The following GPHN variants were observed in gnomAD, a reference collection of about 807,000 sequenced individuals.
GPHN encodes the protein gephyrin.
GPHN carries 17 observed loss-of-function variants against 95.5 expected under a neutral mutation model. The observed-to-expected ratio is 0.18, with a 90% CI of 0.12 to 0.27. The LOEUF (loss-of-function observed/expected upper bound fraction) is 0.27. GPHN is among the 10% of genes least tolerant of loss of function. The pLI, the probability that GPHN is intolerant of heterozygous loss-of-function variation, is 1.00. For synonymous variants in GPHN, 320 were observed against 322.5 expected, an observed-to-expected ratio of 0.99 and a Z score of 0.08; for missense variants, 660 against 978.1, an observed-to-expected ratio of 0.67 and a Z score of 4.34.
At chr14:67,735,091 G>A in the GPHN span, 1 of 741,162 alleles carries the variant, frequency 1.3e-6, no homozygotes, top group East Asian at 2.5e-5. Flanking sequence ...TCGGGAAGCT[G>A]AGCAGCAAAG....
At chr14:67,581,066 C>G in the GPHN span, 3 of 1,428,630 alleles carry the variant, frequency 2.1e-6, no homozygotes, top group Admixed American at 5.0e-5. Flanking sequence ...AGGGTGGGGC[C>G]AAACACAAGG....
rs1203659524 is a variant in GPHN, at chr14:66,508,507, G to A, written c.-21G>A. 1.9e-6 allele frequency: 3 copies of A among 1,613,048 alleles called. No homozygotes were observed. The highest frequency in any genetic ancestry group is 2.5e-6 in the Non-Finnish European group (3 of 1,179,168). Reference sequence around the variant, plus strand: ...CCGGTTTCTCCCGGCTCCTGTCAGTGCGGTGACTGCGCTGGGAAACATGGC... The same window carrying A: ...CCGGTTTCTCCCGGCTCCTGTCAGTACGGTGACTGCGCTGGGAAACATGGC... On this transcript the variant is annotated 5_prime_UTR_variant, in exon 1 of 23. Transcript: ENST00000478722.
intron 2 of GPHN, among the ~76,000 whole-genome samples, chr14:66,739,350 A>G (rs937915436): frequency 9.3e-5 from 14 of 150,314 alleles, no homozygotes; most frequent in African/African-American, 3.4e-4. Flanking sequence ...CCGAGTAGCT[A>G]GGACAACAGG....
intron 9 of GPHN, among the ~76,000 whole-genome samples, chr14:66,994,764 A>G (rs1037869380): frequency 6.6e-6 from 1 of 152,214 alleles, no homozygotes; most frequent in African/African-American, 2.4e-5. Flanking sequence ...TGTATGGCTG[A>G]AAAATGTGTA....
the GPHN span, among the ~76,000 whole-genome samples, chr14:67,319,676 T>C: frequency 2.6e-5 from 4 of 151,850 alleles, no homozygotes; most frequent in Non-Finnish European, 5.9e-5. Flanking sequence ...CAAATTCGCA[T>C]TGGGCCCCAT....
intron 2 of GPHN, among the ~76,000 whole-genome samples, chr14:66,744,613 G>A (rs2058068514): frequency 6.6e-6 from 1 of 152,182 alleles, no homozygotes; most frequent in Non-Finnish European, 1.5e-5. Flanking sequence ...CTGATCTGAT[G>A]TTAGACAAAT....
intron 3 of GPHN, among the ~76,000 whole-genome samples, chr14:66,789,836 A>G (rs980681677): frequency 6.6e-6 from 1 of 152,198 alleles, no homozygotes; most frequent in Non-Finnish European, 1.5e-5. Flanking sequence ...AGAGCTGAGT[A>G]TCTTTCCATA....
intron 4 of GPHN, among the ~76,000 whole-genome samples, chr14:66,861,017 C>T (rs1239805221): frequency 6.6e-6 from 1 of 151,916 alleles, no homozygotes; most frequent in Non-Finnish European, 1.5e-5. Context: ...AACAAAATGG[C>T]AGGTGTAAGC....
intron 1 of GPHN, among the ~76,000 whole-genome samples, chr14:66,609,831 G>T (rs940486435): frequency 6.6e-6 from 1 of 151,988 alleles, no homozygotes; most frequent in Non-Finnish European, 1.5e-5. Context: ...TTCAGCTCTT[G>T]GATAGTTCTA....
the GPHN span, among the ~76,000 whole-genome samples, chr14:67,591,188 G>A: frequency 6.6e-6 from 1 of 152,048 alleles, no homozygotes; most frequent in South Asian, 2.1e-4. Flanking sequence ...GGTAATACAA[G>A]GAAATATGAA....
the GPHN span, among the ~76,000 whole-genome samples, chr14:67,642,688 T>C: frequency 3.9e-5 from 6 of 152,074 alleles, no homozygotes; most frequent in Non-Finnish European, 8.8e-5. Flanking sequence ...TCTTATGACT[T>C]TGGAGAATTA....
At chr14:66,860,861 C>T (rs752767361) in intron 4 of GPHN, among the ~76,000 whole-genome samples, 1 of 151,454 alleles carries the variant, frequency 6.6e-6, no homozygotes, top group Non-Finnish European at 1.5e-5. Flanking sequence ...TGGTAACTTC[C>T]AATCAAAAAA....
intron 1 of GPHN, among the ~76,000 whole-genome samples, chr14:66,514,472 A>C (rs529552312): frequency 2.0e-4 from 30 of 152,170 alleles, no homozygotes; most frequent in African/African-American, 7.0e-4. Context: ...AAAATGAAGA[A>C]ATCACTCTCT....
At chr14:66,575,442 A>G (rs1184040189) in intron 1 of GPHN, among the ~76,000 whole-genome samples, 3 of 152,266 alleles carry the variant, frequency 2.0e-5, no homozygotes, top group Non-Finnish European at 4.4e-5. Flanking sequence ...GTTTGTAAAT[A>G]TAAATTTCTT....
chr14:66,756,649 G>A (rs2058566905), intron 2 of GPHN, among the ~76,000 whole-genome samples: 2 of 152,082 alleles, frequency 1.3e-5, no homozygotes, highest in Admixed American at 6.5e-5. Flanking sequence ...TGTTTTTACT[G>A]TCTTTTGGAT....
chr14:67,486,882 C>T, the GPHN span: 1 of 152,096 alleles, frequency 6.6e-6, no homozygotes, highest in Non-Finnish European at 1.5e-5. Context: ...TGTGACAGGA[C>T]CTTGGATGGG....
At chr14:66,865,345 C>G (rs1362616240) in intron 4 of GPHN, among the ~76,000 whole-genome samples, 1 of 152,034 alleles carries the variant, frequency 6.6e-6, no homozygotes, top group African/African-American at 2.4e-5. Context: ...ATCAGAGTGT[C>G]TCATGTACTT....
At chr14:67,713,698 G>A in the GPHN span, among the ~76,000 whole-genome samples, 7 of 152,316 alleles carry the variant, frequency 4.6e-5, no homozygotes, top group East Asian at 9.6e-4. Flanking sequence ...GGTTGAGGGC[G>A]CGTACCCAAG....
intron 1 of GPHN, among the ~76,000 whole-genome samples, chr14:66,621,224 C>T (rs1313610627): frequency 3.3e-5 from 5 of 151,640 alleles, no homozygotes; most frequent in African/African-American, 1.2e-4. Context: ...ATCCGCCTGC[C>T]TCGGCCTCCC....
Sources: allele counts gnomAD v4.1 joint callset (sites outside exome capture counted in the v4.1 genomes callset), GRCh38; gene constraint gnomAD v4.1.1; transcripts MANE v1.5; gene names NCBI Gene and HGNC (gene_info 2026-07-23, HGNC 2026-07-21).